RHOU: variants seen among roughly 807,000 people sequenced by gnomAD.
RHOU encodes rho-related GTP-binding protein RhoU.
Under a neutral mutation model 12.6 loss-of-function variants are expected in RHOU, and 8 were observed. The ratio of observed to expected loss-of-function variants is 0.64; its 90% CI spans 0.37 to 1.15. The LOEUF (loss-of-function observed/expected upper bound fraction) is 1.15, where lower values mean the gene tolerates loss of function less well. Among genes scored for constraint, RHOU ranks in the 50% most tolerant of loss-of-function variants. The pLI, the probability that RHOU is intolerant of heterozygous loss-of-function variation, is 0.01. For missense variants in RHOU, 258 were observed against 347.0 expected (o/e 0.74, Z 2.04); for synonymous variants, 161 against 147.4 (o/e 1.09, Z -0.67).
At chr1:228,674,762 G>C in the RHOU span, among the ~76,000 whole-genome samples, 2 of 149,258 alleles carry the variant, frequency 1.3e-5, no homozygotes, top group African/African-American at 4.9e-5. Context: ...ACAGAGTCTC[G>C]CTCTGTCGCC....
At chr1:228,678,669 A>G in the RHOU span, among the ~76,000 whole-genome samples, 1 of 152,214 alleles carries the variant, frequency 6.6e-6, no homozygotes, top group Non-Finnish European at 1.5e-5. Context: ...GAGTCAGTAT[A>G]AATATTGATA....
chr1:228,691,099 A>T, the RHOU span, among the ~76,000 whole-genome samples: 1 of 149,300 alleles, frequency 6.7e-6, no homozygotes, highest in Non-Finnish European at 1.5e-5. Context: ...TTTTTTTTTT[A>T]AATAGACTTT....
the RHOU span, among the ~76,000 whole-genome samples, chr1:228,646,586 G>T: frequency 7.9e-6 from 1 of 127,304 alleles, no homozygotes; most frequent in Non-Finnish European, 1.6e-5. Context: ...AGACCCGGCC[G>T]GGGGGGCAAG....
At chr1:228,699,520 T>C in the RHOU span, among the ~76,000 whole-genome samples, 1 of 142,458 alleles carries the variant, frequency 7.0e-6, no homozygotes, top group Non-Finnish European at 1.5e-5. Context: ...AGAAGATACA[T>C]GAGTTTCTGT....
At chr1:228,712,829 AAATAAAATAAAAT>A in the RHOU span, among the ~76,000 whole-genome samples, 2 of 41,640 alleles carry the variant, frequency 4.8e-5, no homozygotes, top group Non-Finnish European at 9.1e-5. Flanking sequence ...ATAAATAAAT[AAATAAAATAAAAT>A]AAAATAAAAT....
the RHOU span, among the ~76,000 whole-genome samples, chr1:228,689,658 G>A: frequency 6.6e-6 from 1 of 151,978 alleles, no homozygotes; most frequent in African/African-American, 2.4e-5. Flanking sequence ...TCCGCCTCCT[G>A]TCAGATCAGC....
the RHOU span, among the ~76,000 whole-genome samples, chr1:228,678,648 A>T: frequency 6.6e-6 from 1 of 152,142 alleles, no homozygotes; most frequent in African/African-American, 2.4e-5. Context: ...AGGATATGGA[A>T]GGCATATTTA....
the RHOU span, among the ~76,000 whole-genome samples, chr1:228,686,921 G>A: frequency 6.6e-6 from 1 of 151,938 alleles, no homozygotes; most frequent in Non-Finnish European, 1.5e-5. Context: ...TGTATTTTTA[G>A]TAGAGAGGGG....
At chr1:228,710,063 A>G in the RHOU span, among the ~76,000 whole-genome samples, 9 of 152,228 alleles carry the variant, frequency 5.9e-5, no homozygotes, top group Non-Finnish European at 1.0e-4. Context: ...AATCTAGAAG[A>G]AATGGATAAA....
chr1:228,646,614 G>T, the RHOU span, among the ~76,000 whole-genome samples: 23 of 133,364 alleles, frequency 1.7e-4, no homozygotes, highest in African/African-American at 6.7e-4. Context: ...GGGGTGTAGC[G>T]GGTCGGGGGG....
the RHOU span, among the ~76,000 whole-genome samples, chr1:228,649,710 A>T: frequency 5.9e-5 from 9 of 152,302 alleles, no homozygotes; most frequent in East Asian, 1.5e-3. Context: ...AATTAACTTG[A>T]TGTTCCAGAG....
rs183495588 is a variant in RHOU at position 228,741,389 on chromosome 1, A to G, written c.322-1896A>G. ...AGAATCTCAAGAGATCTGGGGAGAT[A>G]GCTTTCCAAAGCCCCCTCAGAAGTC... On this transcript the variant is annotated intron_variant, in intron 2 of 2. Coordinates refer to ENST00000366691, the MANE Select transcript of RHOU (RefSeq NM_021205.6). Among the ~76,000 whole-genome samples the G allele has an allele frequency of 1.3e-5, 2 of 152,138 alleles. 1 individual carries two copies.
rs1172811475 is a variant in RHOU at position 228,745,489 on chromosome 1, G to A, written c.*1749G>A. 1 of 152,046 alleles carries A rather than the reference G, an allele frequency of 6.6e-6. No individual in the cohort carries two copies. Among genetic ancestry groups the A allele is most frequent in the Non-Finnish European group, 1.5e-5 (1 of 68,010 alleles). 9.4% of individuals were successfully genotyped at this position (152,046 alleles called of 1,614,324 possible). ...AGATCAGGTTATACTTTAGGTTAGG[G>A]GTTCTATTTATTCCTGTTAGTAAAT... On this transcript the variant is annotated 3_prime_UTR_variant, in exon 3 of 3. Coordinates refer to ENST00000366691, the MANE Select transcript of RHOU (RefSeq NM_021205.6).
In RHOU at chr1:228,743,703, C is replaced by G; in HGVS notation, c.740C>G (p.Ser247Cys). Reference protein sequence around the residue: ...SRTPDKMKNLSKSWWKKYCCF... With the variant: ...SRTPDKMKNLCKSWWKKYCCF... ...ACTCCAGATAAAATGAAAAACCTCT[C>G]CAAGTCCTGGTGGAAGAAGTACTGC... is the stretch of plus-strand genomic sequence containing the variant. Residue 247 changes from serine (S) to cysteine (C), a missense_variant, in exon 3 of 3, where the codon TCC becomes TGC. Transcript: ENST00000366691. The surrounding 1 kb of genome is among the most constrained non-coding windows in gnomAD (Gnocchi z 5.1). 6.2e-7 allele frequency: 1 copy of G among 1,613,746 alleles called. No homozygotes were observed.
chr1:228,664,357 A>T, the RHOU span, among the ~76,000 whole-genome samples: 1 of 152,036 alleles, frequency 6.6e-6, no homozygotes, highest in Admixed American at 6.6e-5. Flanking sequence ...TTGCAGCCCA[A>T]GTAAGCTTCC....
At chr1:228,694,559 A>G in the RHOU span, among the ~76,000 whole-genome samples, 27,836 of 152,070 alleles carry the variant, frequency 0.18, 3,344 homozygotes, top group African/African-American at 0.34. Context: ...ACTTATAAGT[A>G]AGAACATGCA....
At chr1:228,734,080 A>G (rs2102713387), upstream of RHOU, among the ~76,000 whole-genome samples, 1 of 152,000 alleles carries the variant, frequency 6.6e-6, no homozygotes, top group East Asian at 1.9e-4. Flanking sequence ...CCCCAACTTC[A>G]CTTTCTTTGG....
At chr1:228,688,307 A>T in the RHOU span, among the ~76,000 whole-genome samples, 1 of 152,186 alleles carries the variant, frequency 6.6e-6, no homozygotes, top group South Asian at 2.1e-4. Context: ...ATGAACATGA[A>T]TTTTTTCTCT....
chr1:228,720,203 T>C, the RHOU span, among the ~76,000 whole-genome samples: 2 of 152,158 alleles, frequency 1.3e-5, no homozygotes, highest in African/African-American at 4.8e-5. Flanking sequence ...TATTAGATTA[T>C]GGGCACTTCA....
Sources: gnomAD v4.1 joint callset for allele counts (sites outside exome capture counted in the v4.1 genomes callset) on GRCh38, gnomAD v4.1.1 for gene constraint, Gnocchi (gnomAD v3.1) non-coding constraint, MANE v1.5 for transcripts, NCBI Gene and HGNC (gene_info 2026-07-23, HGNC 2026-07-21) for gene names.